Variants in ANO6 observed in about 807,000 individuals in gnomAD.
ANO6 encodes the protein anoctamin-6.
A neutral mutation model predicts 117.5 loss-of-function variants in ANO6; 106 were observed. The ratio of observed to expected loss-of-function variants is 0.90; its 90% CI spans 0.77 to 1.06. The LOEUF (loss-of-function observed/expected upper bound fraction) is 1.06. Ranked by LOEUF, ANO6 falls within the 50% of genes least tolerant of loss-of-function variation. The pLI is 0.00. For synonymous variants in ANO6, 367 were observed against 385.1 expected (o/e 0.95, Z 0.55); for missense variants, 955 against 1,121.1 (o/e 0.85, Z 2.12).
chr12:45,247,098 GT>G (rs1230934074), intron 1 of ANO6, among the ~76,000 whole-genome samples: 1 of 152,066 alleles, frequency 6.6e-6, no homozygotes, highest in African/African-American at 2.4e-5. Context: ...GCTAATTTTT[GT>G]GTTTTTAGTA....
chr12:45,432,273 T>C lies in ANO6; in HGVS notation c.*2962T>C. On this transcript the variant is annotated 3_prime_UTR_variant, in exon 20 of 20. Transcript: ENST00000320560. ...GTGCATTTTAATATTCTTTTATAAT[T>C]ATTAATGTTAATTTCTGTGCATTTT... The C allele has an allele frequency of 1.1e-6, 1 of 939,250 alleles. No individual in the cohort carries two copies. Among genetic ancestry groups the C allele is most frequent in the Non-Finnish European group, 1.3e-6 (1 of 788,726 alleles). The allele number at this position is 939,250 out of a possible 1,614,324, so 58.2% of individuals were successfully genotyped here. A position where few individuals can be genotyped will look rare whatever the true frequency, so the allele number is the denominator to read the frequency against.
intron 15 of ANO6, among the ~76,000 whole-genome samples, chr12:45,408,429 G>T (rs1158718424): frequency 6.6e-6 from 1 of 152,220 alleles, no homozygotes; most frequent in Non-Finnish European, 1.5e-5. Flanking sequence ...CCATAAAAAG[G>T]GGGGAAGCAC....
chr12:45,408,618 TCAGC>T (rs1943006089), intron 15 of ANO6, among the ~76,000 whole-genome samples: 1 of 152,190 alleles, frequency 6.6e-6, no homozygotes, highest in African/African-American at 2.4e-5. Flanking sequence ...CTTAAATGAT[TCAGC>T]TTAAAATAGG....
intron 1 of ANO6, among the ~76,000 whole-genome samples, chr12:45,225,183 C>CAA (rs34523402): frequency 0.052 from 3,844 of 73,294 alleles, 203 homozygotes; most frequent in African/African-American, 0.14. Context: ...GACCCTGTCT[C>CAA]AAAAAAAAAA....
At chr12:45,328,927 A>G (rs1940568769) in intron 2 of ANO6, among the ~76,000 whole-genome samples, 1 of 152,156 alleles carries the variant, frequency 6.6e-6, no homozygotes, top group African/African-American at 2.4e-5. Flanking sequence ...TTAGACAGTA[A>G]ACCTTTCTTG....
At chr12:45,408,417 T>A (rs1942998941) in intron 15 of ANO6, among the ~76,000 whole-genome samples, 1 of 151,908 alleles carries the variant, frequency 6.6e-6, no homozygotes, top group Admixed American at 6.6e-5. Flanking sequence ...CCAGACAAAT[T>A]GCCATAAAAA....
At chr12:45,362,984 A>T (rs1237068284) in intron 8 of ANO6, among the ~76,000 whole-genome samples, 3 of 152,110 alleles carry the variant, frequency 2.0e-5, no homozygotes, top group African/African-American at 7.2e-5. Flanking sequence ...AGTTAGTTCT[A>T]TCTCTGCTTT....
chr12:45,240,370 T>A (rs1565639041), intron 1 of ANO6, among the ~76,000 whole-genome samples: 1 of 107,028 alleles, frequency 9.3e-6, no homozygotes, highest in African/African-American at 4.0e-5. Flanking sequence ...TTTTTTTTTT[T>A]TTTTTTTTTT....
At chr12:45,376,782 A>G (rs924829519) in intron 9 of ANO6, among the ~76,000 whole-genome samples, 4 of 151,966 alleles carry the variant, frequency 2.6e-5, no homozygotes, top group East Asian at 1.9e-4. Context: ...CAGCGCACCA[A>G]CATGGCACAT....
At chr12:45,388,933 G>A (rs1218633467) in intron 11 of ANO6, among the ~76,000 whole-genome samples, 2 of 152,190 alleles carry the variant, frequency 1.3e-5, no homozygotes, top group African/African-American at 4.8e-5. Flanking sequence ...ACTATATTCT[G>A]TCTGTATAAA....
At chr12:45,375,552 A>G (rs1234509731) in intron 9 of ANO6, among the ~76,000 whole-genome samples, 4 of 152,246 alleles carry the variant, frequency 2.6e-5, no homozygotes, top group Admixed American at 6.5e-5. Context: ...ATAACGCCAC[A>G]TATCTACAAC....
chr12:45,301,036 C>A (rs11182965), intron 1 of ANO6, among the ~76,000 whole-genome samples: 8,118 of 152,264 alleles, frequency 0.053, 528 homozygotes, highest in East Asian at 0.34. Flanking sequence ...CCACTAGTCA[C>A]AAATGGCTAT....
chr12:45,275,929 A>G (rs923712111), intron 1 of ANO6, among the ~76,000 whole-genome samples: 1 of 152,128 alleles, frequency 6.6e-6, no homozygotes, highest in African/African-American at 2.4e-5. Flanking sequence ...TGACTCTCCA[A>G]GGTGTATATC....
At chr12:45,232,664 A>G (rs1257543131) in intron 1 of ANO6, among the ~76,000 whole-genome samples, 1 of 152,218 alleles carries the variant, frequency 6.6e-6, no homozygotes, top group Non-Finnish European at 1.5e-5. Flanking sequence ...TACTCAGGGA[A>G]TTCACCATGC....
At chr12:45,369,355 C>CATCT (rs1941764301) in intron 9 of ANO6, among the ~76,000 whole-genome samples, 1 of 152,152 alleles carries the variant, frequency 6.6e-6, no homozygotes, top group African/African-American at 2.4e-5. Context: ...GGCAGATTGT[C>CATCT]ATCTACAAAG....
chr12:45,422,915 C>T (rs1394903949), intron 18 of ANO6, 42 bp from the exon 19 acceptor site: 4 of 1,437,836 alleles, frequency 2.8e-6, no homozygotes, highest in Non-Finnish European at 3.9e-6. Flanking sequence ...AGTATTCAGT[C>T]AAAAAGATTT....
intron 17 of ANO6, among the ~76,000 whole-genome samples, chr12:45,420,580 G>C (rs1027196826): frequency 6.6e-6 from 1 of 152,134 alleles, no homozygotes; most frequent in Admixed American, 6.5e-5. Flanking sequence ...ACTCCAGCCT[G>C]GGCAACAGAG....
chr12:45,305,802 TC>T (rs1199263053), intron 2 of ANO6, among the ~76,000 whole-genome samples: 1 of 152,054 alleles, frequency 6.6e-6, no homozygotes, highest in African/African-American at 2.4e-5. Context: ...ATCCCACACT[TC>T]CCTTAGTTTG....
chr12:45,364,738 T>G (rs529683291), intron 8 of ANO6, among the ~76,000 whole-genome samples: 1 of 152,338 alleles, frequency 6.6e-6, no homozygotes, highest in South Asian at 2.1e-4. Context: ...CTGCTAAATA[T>G]AAAAAGACTT....
Sources: allele counts gnomAD v4.1 joint callset (sites outside exome capture counted in the v4.1 genomes callset), GRCh38; gene constraint gnomAD v4.1.1; transcripts MANE v1.5; gene names NCBI Gene and HGNC (gene_info 2026-07-23, HGNC 2026-07-21).